The following DDHD2 variants were observed in gnomAD, a reference collection of about 807,000 sequenced individuals.
DDHD2 encodes the protein triacylglycerol hydrolase DDHD2.
In DDHD2, 62 loss-of-function variants were observed where a neutral mutation model predicts 91.2. The ratio of observed to expected loss-of-function variants is 0.68; its 90% CI spans 0.55 to 0.84. The LOEUF is 0.84. Ranked by LOEUF, DDHD2 falls within the 40% of genes least tolerant of loss-of-function variation. DDHD2 has a pLI of 0.00. For missense variants in DDHD2, 740 were observed against 846.9 expected (o/e 0.87, Z 1.57); for synonymous variants, 271 against 293.9 (o/e 0.92, Z 0.80).
intron 16 of DDHD2, among the ~76,000 whole-genome samples, chr8:38,257,238 GTTTTTTT>G (rs749469533): frequency 3.1e-4 from 20 of 63,820 alleles, no homozygotes; most frequent in African/African-American, 8.8e-4. Context: ...TGGCCAACAA[GTTTTTTT>G]TTTTTTTTTT....
Position 38,253,129 on chromosome 8 carries a change from T to G in DDHD2, c.1891+2T>G. 6.2e-7 allele frequency: 1 copy of G among 1,612,846 alleles called. No individual in the cohort carries two copies. The highest frequency in any genetic ancestry group is 8.5e-7 in the Non-Finnish European group (1 of 1,179,342). ...AATCAACTTCAGAGAAGCCTAGTGGTCAGTGACACTGTACACATTGACCAG... is the reference window on the plus strand; with the variant it reads ...AATCAACTTCAGAGAAGCCTAGTGGGCAGTGACACTGTACACATTGACCAG... On this transcript the variant is annotated splice_donor_variant, in intron 15 of 17. Coordinates refer to ENST00000397166, the MANE Select transcript of DDHD2 (RefSeq NM_015214.3). LOFTEE classifies it high-confidence loss of function.
chr8:38,233,191 A>G lies in DDHD2; in HGVS notation c.197A>G (p.Gln66Arg). 6.2e-7 allele frequency: 1 copy of G among 1,613,958 alleles called. No homozygotes were observed. Among genetic ancestry groups the G allele is most frequent in the Non-Finnish European group, 8.5e-7 (1 of 1,179,838 alleles). The change falls in exon 2 of 18, where the codon CAG becomes CGG. Residue 66 changes from glutamine to arginine, a missense_variant. Physicochemically the swap from Gln to Arg is conservative, Grantham distance 43 (BLOSUM62 1). Coordinates refer to ENST00000397166, the MANE Select transcript of DDHD2 (RefSeq NM_015214.3). ...WIPFNSEDSQ[Q>R]LEEAYSSGKG... ...CCTTTCAACTCTGAGGATTCACAGC[A>G]GCTGGAAGAGGCATATAGCTCTGGT...
chr8:38,252,047 T>A lies in DDHD2; in HGVS notation c.1461+19T>A, dbSNP rs1284945841. On this transcript the variant is annotated intron_variant, in intron 12 of 17. Transcript: ENST00000397166. ...TGGGCAGGTAACTAATTCTCTTTGA[T>A]CATTTTACAGCCTGCTATTTGTATG... 1 of 1,612,602 alleles carries A rather than the reference T, an allele frequency of 6.2e-7. No homozygotes were observed. Among genetic ancestry groups the A allele is most frequent in the African/African-American group, 1.3e-5 (1 of 74,906 alleles).
chr8:38,253,011 G>A lies in DDHD2; in HGVS notation c.1775G>A (p.Gly592Asp). The change falls in exon 15 of 18, where the codon GGT becomes GAT. Residue 592 changes from glycine (G) to aspartate (D), a missense_variant. Around this residue, in one of 2 missense-constraint regions of DDHD2, gnomAD observed 693 missense variants for 764.2 expected, o/e 0.91. Transcript: ENST00000397166. ...MSMDLKNNLL[G>D]SLRMAWKSFT... ...ATGGACCTTAAGAACAACTTGCTAG[G>A]TTCGCTGCGGATGGCCTGGAAGTCT... is the stretch of plus-strand genomic sequence containing the variant. The A allele has an allele frequency of 6.2e-7, 1 of 1,614,136 alleles. No homozygotes were observed. The highest frequency in any genetic ancestry group is 8.5e-7 in the Non-Finnish European group (1 of 1,180,040).
chr8:38,268,516 T>A, intron 1 of DDHD2: 1 of 1,543,212 alleles, frequency 6.5e-7, no homozygotes, highest in Non-Finnish European at 8.7e-7. Flanking sequence ...ACACTCGTGC[T>A]CCTACAGGAA....
At chr8:38,268,699 C>T in intron 1 of DDHD2, 2 of 1,432,174 alleles carry the variant, frequency 1.4e-6, no homozygotes, top group South Asian at 1.5e-5. Context: ...CCCAAAGAGG[C>T]TCGGACACCC....
At chr8:38,259,999 G>C in intron 16 of DDHD2, 41 bp from the exon 17 acceptor site, 3 of 1,264,552 alleles carry the variant, frequency 2.4e-6, no homozygotes, top group Admixed American at 3.4e-5. Flanking sequence ...TTTGGCACAA[G>C]TGTTAGTTCC....
At chr8:38,268,022 C>T (rs1807945582) in intron 1 of DDHD2, 2 of 1,612,032 alleles carry the variant, frequency 1.2e-6, no homozygotes, top group Non-Finnish European at 1.7e-6. Flanking sequence ...GTCATGGCCT[C>T]GTTATGAGAG....
chr8:38,251,960 A>G lies in DDHD2; in HGVS notation c.1393A>G (p.Lys465Glu). The change falls in exon 12 of 18, where the codon AAA (lysine) becomes GAA (glutamate). Residue 465 changes from lysine to glutamate, a missense_variant. By Grantham distance (56) the Lys-to-Glu change is moderately conservative. Around this residue, in one of 2 missense-constraint regions of DDHD2, gnomAD observed 693 missense variants for 764.2 expected, o/e 0.91. Transcript: ENST00000397166. ...GCCTGCTTCAGGGGCAAACATCCCC[A>G]AAGAATCTGAGTTCTGCAGTAGCAG... The part of the protein sequence containing the change: ...PQPASGANIP[K>E]ESEFCSSSNT... 6.2e-7 allele frequency: 1 copy of G among 1,614,230 alleles called. No homozygotes were observed. The highest frequency in any genetic ancestry group is 8.5e-7 in the Non-Finnish European group (1 of 1,180,040).
intron 16 of DDHD2, among the ~76,000 whole-genome samples, chr8:38,258,950 A>G (rs1432567991): frequency 6.6e-6 from 1 of 152,210 alleles, no homozygotes; most frequent in Admixed American, 6.5e-5. Flanking sequence ...TTGCTTGTGC[A>G]TACGTAGAAT....
intron 7 of DDHD2, among the ~76,000 whole-genome samples, 159 bp downstream of exon 7, chr8:38,242,544 G>A (rs1460151210): frequency 1.3e-5 from 2 of 152,174 alleles, no homozygotes; most frequent in African/African-American, 2.4e-5. Flanking sequence ...AATTAGCCCT[G>A]GTTAGGAGTG....
At position 38,253,564 on chromosome 8, in the gene DDHD2, A is replaced by T; in HGVS notation, c.1900A>T (p.Thr634Ser). 6.2e-7 allele frequency: 1 copy of T among 1,613,516 alleles called. No homozygotes were observed. The highest frequency in any genetic ancestry group is 8.5e-7 in the Non-Finnish European group (1 of 1,179,836). ...GGTTCTTCCATATCCAGATGTTAAC[A>T]CAGAAGAGACCTCTGTGGCAGTTAA... The part of the protein sequence containing the change: ...STSEKPSDVN[T>S]EETSVAVKEE... Residue 634 changes from threonine to serine, a missense_variant, in exon 16 of 18, where the codon ACA (threonine) becomes TCA (serine). Coordinates refer to ENST00000397166, the MANE Select transcript of DDHD2 (RefSeq NM_015214.3).
intron 15 of DDHD2, 108 bp from the exon 16 acceptor site, chr8:38,253,448 C>A (rs2130854880): frequency 1.0e-6 from 1 of 975,742 alleles, no homozygotes; most frequent in Non-Finnish European, 1.5e-6. Flanking sequence ...GCTCTCTGAA[C>A]AGAGAGTAGC....
chr8:38,255,439 A>G, intron 16 of DDHD2: 1 of 368,234 alleles, frequency 2.7e-6, no homozygotes, highest in South Asian at 2.0e-5. Context: ...ATATGGTTTG[A>G]AATTCAAAGA....
intron 10 of DDHD2, among the ~76,000 whole-genome samples, chr8:38,248,234 T>C (rs1344216608): frequency 1.3e-5 from 2 of 152,156 alleles, no homozygotes; most frequent in Non-Finnish European, 2.9e-5. Context: ...TTAGTAGAGA[T>C]GGGGTTTCAC....
chr8:38,246,238 C>G lies in DDHD2; in HGVS notation c.1063C>G (p.Leu355Val). Residue 355 changes from leucine (L) to valine (V), a missense_variant, in exon 9 of 18, where the codon CTT becomes GTT. Physicochemically the swap from Leu to Val is conservative, Grantham distance 32. Around this residue, in one of 2 missense-constraint regions of DDHD2, gnomAD observed 693 missense variants for 764.2 expected, o/e 0.91. Coordinates refer to ENST00000397166, the MANE Select transcript of DDHD2 (RefSeq NM_015214.3). ...TTCTTCTATTTTACTTATAGGTTCG[C>G]TTATATTGTTTGATATCCTAACAAA... is the stretch of plus-strand genomic sequence containing the variant. ...VSIAGHSLGS[L>V]ILFDILTNQK... The G allele has an allele frequency of 6.2e-7, 1 of 1,603,384 alleles. No homozygotes were observed.
chr8:38,232,808 A>G (rs1480081235), intron 1 of DDHD2, among the ~76,000 whole-genome samples, 179 bp from the exon 2 acceptor site: 1 of 152,218 alleles, frequency 6.6e-6, no homozygotes, highest in Non-Finnish European at 1.5e-5. Context: ...GAAGCATTTT[A>G]TTTAAAGCTT....
At chr8:38,264,603 A>G, downstream of DDHD2, 1 of 1,589,554 alleles carries the variant, frequency 6.3e-7, no homozygotes, top group Non-Finnish European at 8.6e-7. Flanking sequence ...CAACTAGTAC[A>G]TCTGAAGAGA....
chr8:38,268,205 T>C (rs1028621125), intron 1 of DDHD2: 16 of 1,084,830 alleles, frequency 1.5e-5, no homozygotes, highest in East Asian at 7.8e-5. Context: ...CCGTGTAGCC[T>C]GCGTAACCAA....
Sources: gnomAD v4.1 joint callset for allele counts (sites outside exome capture counted in the v4.1 genomes callset) on GRCh38, gnomAD v4.1.1 for gene constraint, gnomAD v4.1.1 regional missense constraint, MANE v1.5 for transcripts, NCBI Gene and HGNC (gene_info 2026-07-23, HGNC 2026-07-21) for gene names.